Variants in UBE2E2 observed in about 807,000 individuals in gnomAD.
UBE2E2 encodes the protein ubiquitin conjugating enzyme E2 E2, also known as ubiquitin-conjugating enzyme E2 E2.
Under a neutral mutation model 24.7 loss-of-function variants are expected in UBE2E2, and 6 were observed. The ratio of observed to expected loss-of-function variants is 0.24; its 90% CI spans 0.13 to 0.48. The LOEUF is 0.48. UBE2E2 is among the 20% of genes least tolerant of loss of function. The pLI is 0.99. For synonymous variants in UBE2E2, 104 were observed against 83.6 expected (o/e 1.24, Z -1.33); for missense variants, 169 against 245.0 (o/e 0.69, Z 2.07).
intron 3 of UBE2E2, among the ~76,000 whole-genome samples, chr3:23,255,031 A>G (rs1160901314): frequency 2.6e-5 from 4 of 151,848 alleles, no homozygotes; most frequent in Non-Finnish European, 5.9e-5. Context: ...GGCCATCTTA[A>G]GAACAGTTCG....
At chr3:23,358,241 T>C (rs1696018308) in intron 3 of UBE2E2, among the ~76,000 whole-genome samples, 1 of 152,234 alleles carries the variant, frequency 6.6e-6, no homozygotes, top group African/African-American at 2.4e-5. Context: ...GAATTAGCTA[T>C]GTTGAATGAG....
chr3:23,244,418 A>G (rs1317823681), intron 3 of UBE2E2, among the ~76,000 whole-genome samples: 1 of 152,108 alleles, frequency 6.6e-6, no homozygotes, highest in East Asian at 1.9e-4. Context: ...CATGCAGTTG[A>G]CTTTTCTGTA....
chr3:23,538,153 T>A (rs1018445528), intron 5 of UBE2E2, among the ~76,000 whole-genome samples: 2 of 152,224 alleles, frequency 1.3e-5, no homozygotes, highest in East Asian at 1.9e-4. Flanking sequence ...TACAGTTGGC[T>A]ACCTAGATAC....
At position 23,589,444 on chromosome 3, in the gene UBE2E2, A is replaced by T. The variant is rs996032803; in HGVS notation, c.509-290A>T. Among the ~76,000 whole-genome samples the T allele has an allele frequency of 2.6e-5, 4 of 151,238 alleles. No homozygotes were observed. Among genetic ancestry groups the T allele is most frequent in the Non-Finnish European group, 5.9e-5 (4 of 67,844 alleles). On this transcript the variant is annotated intron_variant, in intron 5 of 5. Transcript: ENST00000396703. The surrounding 1 kb of genome is among the most constrained non-coding windows in gnomAD (Gnocchi z 4.1). The stretch of plus-strand genomic sequence containing the variant: ...TCTCAAAAGAAAAAAAAAAAAACCA[A>T]TACGAGGGGAGCAAGGTGAGAAGTA...
intron 3 of UBE2E2, among the ~76,000 whole-genome samples, chr3:23,353,574 C>T (rs1245194918): frequency 6.6e-6 from 1 of 152,156 alleles, no homozygotes; most frequent in Non-Finnish European, 1.5e-5. Context: ...AAATCACAAG[C>T]ATTCTTATAC....
chr3:23,475,610 C>T (rs1023877180), intron 3 of UBE2E2, among the ~76,000 whole-genome samples: 1 of 151,920 alleles, frequency 6.6e-6, no homozygotes, highest in African/African-American at 2.4e-5. Flanking sequence ...CAGAAGGAGC[C>T]AAGAAACCTA....
At chr3:23,361,048 A>G (rs563067663) in intron 3 of UBE2E2, among the ~76,000 whole-genome samples, 51 of 152,370 alleles carry the variant, frequency 3.3e-4, no homozygotes, top group African/African-American at 1.2e-3. Context: ...AAAAGAAGAT[A>G]TACAAACAGC....
At chr3:23,429,988 C>T (rs1281613891) in intron 3 of UBE2E2, among the ~76,000 whole-genome samples, 1 of 152,150 alleles carries the variant, frequency 6.6e-6, no homozygotes, top group African/African-American at 2.4e-5. Flanking sequence ...TCAAGCAATC[C>T]TCCCACCTCA....
chr3:23,393,465 A>C (rs1434778718), intron 3 of UBE2E2, among the ~76,000 whole-genome samples: 1 of 152,146 alleles, frequency 6.6e-6, no homozygotes, highest in East Asian at 1.9e-4. Context: ...TTAGACTTGT[A>C]AATTATCAGG....
intron 4 of UBE2E2, among the ~76,000 whole-genome samples, chr3:23,524,896 G>A (rs1203962016): frequency 8.7e-6 from 1 of 115,082 alleles, no homozygotes; most frequent in East Asian, 3.0e-4. Context: ...ACACACACGT[G>A]TGCACTATAT....
chr3:23,208,889 T>TATA lies in UBE2E2; in HGVS notation c.176+16_176+18dup. On this transcript the variant is annotated intron_variant, in intron 2 of 5. Transcript: ENST00000396703. ...TAGTGCTAAAAGGTACTTCAGTTATTATAACCTTTTTATTGTTGGTATCAA... is the reference window on the plus strand; with the variant it reads ...TAGTGCTAAAAGGTACTTCAGTTATTATAATAACCTTTTTATTGTTGGTATCAA... The TATA allele has an allele frequency of 6.3e-7, 1 of 1,590,568 alleles. No individual in the cohort carries two copies. Among genetic ancestry groups the TATA allele is most frequent in the Middle Eastern group, 1.7e-4 (1 of 5,972 alleles).
chr3:23,339,139 T>G (rs1695302615), intron 3 of UBE2E2, among the ~76,000 whole-genome samples: 1 of 152,180 alleles, frequency 6.6e-6, no homozygotes, highest in South Asian at 2.1e-4. Context: ...AACATTACTT[T>G]TGTGGTATTC....
At chr3:23,229,041 T>TTCA (rs1559447920) in intron 3 of UBE2E2, among the ~76,000 whole-genome samples, 1 of 152,188 alleles carries the variant, frequency 6.6e-6, no homozygotes, top group African/African-American at 2.4e-5. Flanking sequence ...TCACTTCTCC[T>TTCA]GATGCTTCAG....
At chr3:23,360,693 T>G (rs1375828665) in intron 3 of UBE2E2, among the ~76,000 whole-genome samples, 1 of 152,154 alleles carries the variant, frequency 6.6e-6, no homozygotes, top group Non-Finnish European at 1.5e-5. Context: ...ATTACCTGTT[T>G]GGCATTTAAC....
rs558484849 is a variant in UBE2E2 at position 23,582,785 on chromosome 3, G to C, written c.509-6949G>C. 1.3e-4 allele frequency among the ~76,000 whole-genome samples: 19 copies of C among 151,556 alleles called. No homozygotes were observed. In the South Asian group the frequency reaches 4.0e-3, roughly 32 times the overall value. On this transcript the variant is annotated intron_variant, in intron 5 of 5. Coordinates refer to ENST00000396703, the MANE Select transcript of UBE2E2 (RefSeq NM_152653.4). ...AAATTTAAGTTCCATGTAGACTCTGGATATTAGACGTTTGTTAGATGCGTA... is the reference window on the plus strand; with the variant it reads ...AAATTTAAGTTCCATGTAGACTCTGCATATTAGACGTTTGTTAGATGCGTA...
At chr3:23,413,619 G>T (rs560155213) in intron 3 of UBE2E2, among the ~76,000 whole-genome samples, 3 of 152,160 alleles carry the variant, frequency 2.0e-5, no homozygotes, top group South Asian at 4.2e-4. Flanking sequence ...TCATTCTTTA[G>T]GTTTTAGCTT....
intron 3 of UBE2E2, among the ~76,000 whole-genome samples, chr3:23,228,991 A>T (rs1169043457): frequency 6.6e-6 from 1 of 152,002 alleles, no homozygotes; most frequent in Non-Finnish European, 1.5e-5. Flanking sequence ...TTTTTCCTCC[A>T]CCTTGAATCC....
chr3:23,352,227 C>A (rs1050725012), intron 3 of UBE2E2, among the ~76,000 whole-genome samples: 2 of 151,814 alleles, frequency 1.3e-5, no homozygotes, highest in African/African-American at 4.8e-5. Context: ...GGGACACATT[C>A]AAAGCAGTGT....
rs181183197 is a variant in UBE2E2 at position 23,350,395 on chromosome 3, T to C, written c.227+133083T>C. On this transcript the variant is annotated intron_variant, in intron 3 of 5. Transcript: ENST00000396703. ...AACGAAGCTGGACGGAGAATGACTT[T>C]GATGAGTTGAGAGAAGAAGGCTTCA... Among the ~76,000 whole-genome samples the C allele has an allele frequency of 7.0e-4, 106 of 152,306 alleles. 2 individuals are homozygous for C. In the East Asian group the frequency reaches 0.012, roughly 18 times the overall value.
Sources: gnomAD v4.1 joint callset for allele counts (sites outside exome capture counted in the v4.1 genomes callset) on GRCh38, gnomAD v4.1.1 for gene constraint, Gnocchi (gnomAD v3.1) non-coding constraint, MANE v1.5 for transcripts, NCBI Gene and HGNC (gene_info 2026-07-23, HGNC 2026-07-21) for gene names.